Variants in NELFCD observed in about 807,000 individuals in gnomAD.
The protein encoded by NELFCD is negative elongation factor C/D.
Under a neutral mutation model 72.9 loss-of-function variants are expected in NELFCD, and 48 were observed. The ratio of observed to expected loss-of-function variants is 0.66; its 90% CI spans 0.52 to 0.84. The LOEUF (loss-of-function observed/expected upper bound fraction) is 0.84, where lower values mean the gene tolerates loss of function less well. Among genes scored for constraint, NELFCD ranks in the 40% least tolerant of loss-of-function variants. The pLI is 0.00. For missense variants in NELFCD, 538 were observed against 723.8 expected, an observed-to-expected ratio of 0.74 and a Z score of 2.94; for synonymous variants, 297 against 280.6, an observed-to-expected ratio of 1.06 and a Z score of -0.59.
intron 1 of NELFCD, among the ~76,000 whole-genome samples, chr20:58,982,140 ATTTTTTTTTTTTTT>A (rs751696443): frequency 5.1e-4 from 35 of 68,400 alleles, no homozygotes; most frequent in East Asian, 9.4e-4. Context: ...GGGAACTTGC[ATTTTTTTTTTTTTT>A]TTTTTTTTTT....
In NELFCD at chr20:58,983,646, G is replaced by A. The variant is rs558028125; in HGVS notation, c.60+2277G>A. Among the ~76,000 whole-genome samples the A allele has an allele frequency of 9.7e-4, 147 of 152,172 alleles. 1 individual carries two copies. The highest frequency in any genetic ancestry group is 1.7e-3 in the Admixed American group (26 of 15,286). Reference sequence around the variant, plus strand: ...TCACCATGTTGGCCAGGCTGGTCTCGAACTCCTGGCCTCAAGTAATCTGCC... The same window carrying A: ...TCACCATGTTGGCCAGGCTGGTCTCAAACTCCTGGCCTCAAGTAATCTGCC... On this transcript the variant is annotated intron_variant, in intron 1 of 14. Transcript: ENST00000652272.
chr20:58,988,656 G>C (rs997486893), intron 4 of NELFCD, among the ~76,000 whole-genome samples: 1 of 152,094 alleles, frequency 6.6e-6, no homozygotes, highest in African/African-American at 2.4e-5. Flanking sequence ...TGCGGTTCTC[G>C]GTGTCTCCTA....
chr20:58,994,271 T>C, intron 14 of NELFCD, 32 bp downstream of exon 14: 3 of 1,607,108 alleles, frequency 1.9e-6, no homozygotes, highest in Non-Finnish European at 2.6e-6. Flanking sequence ...TTTACTACAA[T>C]AGAAAATGTC....
At chr20:58,987,070 G>C in intron 3 of NELFCD, 1 of 515,674 alleles carries the variant, frequency 1.9e-6, no homozygotes, top group Admixed American at 3.9e-5. Flanking sequence ...CAGTAATTGA[G>C]GTTTACTGGT....
Position 58,986,362 on chromosome 20 carries a change from TTAA to T in NELFCD, c.176+155_176+157del. The T allele has an allele frequency of 3.4e-6, 2 of 584,556 alleles. No individual in the cohort carries two copies. Among genetic ancestry groups the T allele is most frequent in the East Asian group, 5.7e-5 (2 of 34,882 alleles). The allele number at this position is 584,556 out of a possible 1,614,324, so 36.2% of individuals were successfully genotyped here. A position where few individuals can be genotyped will look rare whatever the true frequency, so the allele number is the denominator to read the frequency against. On this transcript the variant is annotated intron_variant, in intron 2 of 14. Coordinates refer to ENST00000652272, the MANE Select transcript of NELFCD (RefSeq NM_198976.4). The surrounding 1 kb of genome is among the most constrained non-coding windows in gnomAD (Gnocchi z 4.4). ...CCCCTCTGCCACTTTTTTTTTTTTT[TTAA>T]ATTTTTTTAAGACAGAGTCTTGCTC...
chr20:58,989,698 T>A (rs1262195453), intron 6 of NELFCD, 58 bp downstream of exon 6: 1 of 1,612,274 alleles, frequency 6.2e-7, no homozygotes, highest in Non-Finnish European at 8.5e-7. Context: ...GTCTTGGTTT[T>A]CAAGCATGAG....
chr20:58,982,723 C>T (rs902650555), intron 1 of NELFCD, among the ~76,000 whole-genome samples: 3 of 152,138 alleles, frequency 2.0e-5, no homozygotes, highest in Non-Finnish European at 4.4e-5. Context: ...TGGAGAGCTG[C>T]TGAATGGTAT....
At position 58,988,002 on chromosome 20, in the gene NELFCD, C is replaced by T. The variant is rs957627352; in HGVS notation, c.396+185C>T. On this transcript the variant is annotated intron_variant, in intron 4 of 14. Coordinates refer to ENST00000652272, the MANE Select transcript of NELFCD (RefSeq NM_198976.4). The stretch of plus-strand genomic sequence containing the variant: ...ACTCTGTACCCAGGGTCGTGACATG[C>T]TTGCACGCAAGAGGCACACAGGTGC... 5.1e-6 allele frequency: 3 copies of T among 591,062 alleles called. No individual in the cohort carries two copies. The South Asian group carries it at 6.3e-5, about 12-fold the overall frequency. 36.6% of individuals were successfully genotyped at this position (591,062 alleles called of 1,614,324 possible). A position where few individuals can be genotyped will look rare whatever the true frequency, so the allele number is the denominator to read the frequency against.
chr20:58,986,160 C>T lies in NELFCD; in HGVS notation c.128C>T (p.Ser43Phe), dbSNP rs1379945842. The T allele has an allele frequency of 2.5e-6, 4 of 1,613,944 alleles. No individual in the cohort carries two copies. The highest frequency in any genetic ancestry group is 3.4e-6 in the Non-Finnish European group (4 of 1,179,840). ...EVQQECLHKF[S>F]TRDYIMEPSI... ...CAGCAAGAATGCCTGCATAAATTTT[C>T]CACCCGGGATTATATCATGGAACCC... The change falls in exon 2 of 15, where the codon TCC becomes TTC. Residue 43 changes from serine to phenylalanine, a missense_variant. Ser to Phe is a radical substitution (Grantham distance 155, BLOSUM62 -2). Coordinates refer to ENST00000652272, the MANE Select transcript of NELFCD (RefSeq NM_198976.4). This position sits in a 1 kb window ranked among gnomAD's most constrained non-coding sequence, Gnocchi z 4.4.
Position 58,993,818 on chromosome 20 carries a change from C to CT in NELFCD, c.1581+59dup. ...TCATACTGTTTACACTAGCACTGCC[C>CT]TTTTTGGCTTAATTTAGTTCATTTT... On this transcript the variant is annotated intron_variant, in intron 13 of 14. Transcript: ENST00000652272. This position sits in a 1 kb window ranked among gnomAD's most constrained non-coding sequence, Gnocchi z 5.0. 6.3e-7 allele frequency: 1 copy of CT among 1,580,670 alleles called. No homozygotes were observed. The highest frequency in any genetic ancestry group is 1.7e-4 in the Middle Eastern group (1 of 5,982).
intron 7 of NELFCD, chr20:58,990,647 A>G (rs570683684): frequency 2.7e-6 from 1 of 376,410 alleles, no homozygotes; most frequent in East Asian, 4.6e-5. Flanking sequence ...AGTGTCGCAA[A>G]ATGAGCTCAT....
intron 1 of NELFCD, among the ~76,000 whole-genome samples, chr20:58,982,660 G>A (rs1020876467): frequency 5.9e-5 from 9 of 152,218 alleles, no homozygotes; most frequent in African/African-American, 2.2e-4. Flanking sequence ...GATGTTAGCT[G>A]CCTGGTGGAA....
chr20:58,992,028 A>G lies in NELFCD; in HGVS notation c.1229+8A>G. ...ACTTTATCAGTGTATTAGGTAAGCA[A>G]AACGAAACTCAGTTCTTAAATCAGT... On this transcript the variant is annotated splice_region_variant and intron_variant, in intron 10 of 14. Coordinates refer to ENST00000652272, the MANE Select transcript of NELFCD (RefSeq NM_198976.4). The G allele has an allele frequency of 1.4e-5, 22 of 1,602,508 alleles. No homozygotes were observed. The highest frequency in any genetic ancestry group is 1.8e-5 in the Non-Finnish European group (21 of 1,172,588).
At chr20:58,992,867 G>A (rs912315285) in intron 10 of NELFCD, 131 bp from the exon 11 acceptor site, 19 of 562,812 alleles carry the variant, frequency 3.4e-5, no homozygotes, top group African/African-American at 1.0e-4. Context: ...AAAAAAAAAA[G>A]GGTTGGGGGG....
In NELFCD at chr20:58,986,832, G is replaced by A; in HGVS notation, c.255G>A (p.Val85=). 1 of 1,613,970 alleles carries A rather than the reference G, an allele frequency of 6.2e-7. No homozygotes were observed. The highest frequency in any genetic ancestry group is 8.5e-7 in the Non-Finnish European group (1 of 1,179,894). The part of the protein sequence containing the change: ...SENYTAVAQT[V]NLLAEWLIQT... ...ACTACACCGCTGTGGCCCAGACTGTGAACCTGCTGGCCGAGTGGCTCATTC... is the reference window on the plus strand; with the variant it reads ...ACTACACCGCTGTGGCCCAGACTGTAAACCTGCTGGCCGAGTGGCTCATTC... Residue 85 remains valine (V), a synonymous_variant, in exon 3 of 15, where the codon GTG becomes GTA. Transcript: ENST00000652272. This position sits in a 1 kb window ranked among gnomAD's most constrained non-coding sequence, Gnocchi z 4.4.
intron 5 of NELFCD, 167 bp downstream of exon 5, chr20:58,989,188 GTT>G: frequency 1.6e-6 from 1 of 635,992 alleles, no homozygotes; most frequent in Non-Finnish European, 2.7e-6. Flanking sequence ...ATTTGTATCT[GTT>G]TTTGGGTCAG....
chr20:58,987,460 G>A, intron 3 of NELFCD: 1 of 484,342 alleles, frequency 2.1e-6, no homozygotes, highest in East Asian at 3.7e-5. Context: ...CCTCAGTGAG[G>A]CTCTGCAGAT....
chr20:58,994,787 C>T lies in NELFCD; in HGVS notation c.*111C>T, dbSNP rs1277730018. On this transcript the variant is annotated 3_prime_UTR_variant, in exon 15 of 15. Coordinates refer to ENST00000652272, the MANE Select transcript of NELFCD (RefSeq NM_198976.4). ...GGCAGCGTCTTGAAAATGGGCACCG[C>T]TGGGAGGAGGTGGATGACTTCTTTA... 1 of 860,974 alleles carries T rather than the reference C, an allele frequency of 1.2e-6. No homozygotes were observed. Among genetic ancestry groups the T allele is most frequent in the East Asian group, 2.4e-5 (1 of 41,148 alleles). The allele number at this position is 860,974 out of a possible 1,614,324, so 53.3% of individuals were successfully genotyped here. A position where few individuals can be genotyped will look rare whatever the true frequency, so the allele number is the denominator to read the frequency against.
rs912192974 is a variant in NELFCD, at chr20:58,993,169, G to A, written c.1344+57G>A. 1.3e-5 allele frequency: 17 copies of A among 1,289,372 alleles called. No individual in the cohort carries two copies. Among genetic ancestry groups the A allele is most frequent in the South Asian group, 4.7e-5 (4 of 84,242 alleles). 79.9% of individuals were successfully genotyped at this position (1,289,372 alleles called of 1,614,324 possible). A position where few individuals can be genotyped will look rare whatever the true frequency, so the allele number is the denominator to read the frequency against. On this transcript the variant is annotated intron_variant, in intron 11 of 14. Transcript: ENST00000652272. This position sits in a 1 kb window ranked among gnomAD's most constrained non-coding sequence, Gnocchi z 5.0. ...ACAGTGTCTGTCTCATGCTGTTTACGTTGGCATTAACATTGCATCTATTCA... is the reference window on the plus strand; with the variant it reads ...ACAGTGTCTGTCTCATGCTGTTTACATTGGCATTAACATTGCATCTATTCA...
Sources: allele counts gnomAD v4.1 joint callset (sites outside exome capture counted in the v4.1 genomes callset), GRCh38; gene constraint gnomAD v4.1.1; non-coding constraint Gnocchi (gnomAD v3.1); transcripts MANE v1.5; gene names NCBI Gene and HGNC (gene_info 2026-07-23, HGNC 2026-07-21).